FOLH1: variants seen among roughly 807,000 people sequenced by gnomAD.
FOLH1 encodes glutamate carboxypeptidase 2.
In FOLH1, 54 loss-of-function variants were observed where a neutral mutation model predicts 93.9. That is an observed-to-expected ratio of 0.57 (90% CI 0.46 to 0.72). The LOEUF is 0.72. FOLH1 is among the 30% of genes least tolerant of loss of function. The pLI is 0.00. For missense variants in FOLH1, 571 were observed against 892.5 expected, an observed-to-expected ratio of 0.64 and a Z score of 4.59; for synonymous variants, 249 against 303.6, an observed-to-expected ratio of 0.82 and a Z score of 1.87.
intron 13 of FOLH1, among the ~76,000 whole-genome samples, chr11:49,160,932 G>T (rs1857630271): frequency 6.6e-6 from 1 of 152,086 alleles, no homozygotes; most frequent in Non-Finnish European, 1.5e-5. Flanking sequence ...AATTTCCATG[G>T]AATTGCATAG....
At chr11:49,194,016 G>C (rs1440693028) in intron 3 of FOLH1, among the ~76,000 whole-genome samples, 1 of 151,400 alleles carries the variant, frequency 6.6e-6, no homozygotes. Context: ...AAATTAGCCG[G>C]GCCTACGTGC....
chr11:49,171,719 T>A (rs1859326936), intron 10 of FOLH1, among the ~76,000 whole-genome samples: 1 of 152,124 alleles, frequency 6.6e-6, no homozygotes, highest in African/African-American at 2.4e-5. Flanking sequence ...TCCGTATGAT[T>A]TCACACCATT....
intron 7 of FOLH1, 80 bp downstream of exon 7, chr11:49,183,069 T>C (rs376029583): frequency 2.4e-6 from 3 of 1,236,308 alleles, no homozygotes; most frequent in South Asian, 1.5e-5. Context: ...TACTAAAAAA[T>C]GGAGATAAAA....
In FOLH1 at chr11:49,152,105, G is replaced by A. The variant is rs189752893; in HGVS notation, c.1970+1741C>T. ...TATTCTAAGTATCTTCTATTATGTTGTATTTCTAATAATCCATTGTTAGGA... is the reference window on the plus strand; with the variant it reads ...TATTCTAAGTATCTTCTATTATGTTATATTTCTAATAATCCATTGTTAGGA... On this transcript the variant is annotated intron_variant, in intron 17 of 18. Coordinates refer to ENST00000256999, the MANE Select transcript of FOLH1 (RefSeq NM_004476.3). 1.5e-3 allele frequency among the ~76,000 whole-genome samples: 223 copies of A among 151,612 alleles called. 2 individuals are homozygous for A. The highest frequency in any genetic ancestry group is 4.9e-3 in the African/African-American group (203 of 41,322).
At chr11:49,182,568 G>A (rs1016411370) in intron 7 of FOLH1, among the ~76,000 whole-genome samples, 1 of 152,196 alleles carries the variant, frequency 6.6e-6, no homozygotes, top group Non-Finnish European at 1.5e-5. Context: ...AGGAATACAT[G>A]AGTAAGAGAT....
chr11:49,201,663 A>ATC (rs1863270843), intron 2 of FOLH1, among the ~76,000 whole-genome samples: 4 of 152,202 alleles, frequency 2.6e-5, no homozygotes, highest in Non-Finnish European at 5.9e-5. Flanking sequence ...AGAGGCAGCT[A>ATC]AGGAGTCTCT....
chr11:49,175,966 C>T lies in FOLH1; in HGVS notation c.921-9G>A, dbSNP rs1206103698. ...CTGAGCCACCCATTTTTCTATTGGA[C>T]ACAAAAAAACATTATTAGCCACAAA... On this transcript the variant is annotated splice_polypyrimidine_tract_variant and intron_variant, in intron 7 of 18. Coordinates refer to ENST00000256999, the MANE Select transcript of FOLH1 (RefSeq NM_004476.3). 36 of 1,608,036 alleles carry T rather than the reference C, an allele frequency of 2.2e-5. No homozygotes were observed. The highest frequency in any genetic ancestry group is 2.9e-5 in the Non-Finnish European group (34 of 1,178,326).
intron 15 of FOLH1, among the ~76,000 whole-genome samples, chr11:49,155,795 CATATATATATATATATATATAT>C (rs10526900): frequency 6.3e-4 from 33 of 52,118 alleles, no homozygotes; most frequent in Non-Finnish European, 7.3e-4. Flanking sequence ...AAATGAAAAC[CATATATATATATATATATATAT>C]ATATATATAT....
intron 3 of FOLH1, among the ~76,000 whole-genome samples, chr11:49,197,685 AT>A (rs1487806330): frequency 6.6e-6 from 1 of 152,204 alleles, no homozygotes; most frequent in African/African-American, 2.4e-5. Flanking sequence ...GTGAACTGTT[AT>A]TCATAACAAT....
intron 15 of FOLH1, among the ~76,000 whole-genome samples, chr11:49,155,356 T>G (rs1170511996): frequency 6.6e-6 from 1 of 152,016 alleles, no homozygotes; most frequent in African/African-American, 2.4e-5. Context: ...ACCTCCTACC[T>G]CACAGACAGG....
Position 49,208,553 on chromosome 11 carries a change from C to G in FOLH1, c.-144G>C. 1.8e-6 allele frequency: 1 copy of G among 567,852 alleles called. No homozygotes were observed. Among genetic ancestry groups the G allele is most frequent in the East Asian group, 3.0e-5 (1 of 32,796 alleles). The allele number at this position is 567,852 out of a possible 1,614,324, so 35.2% of individuals were successfully genotyped here. A position where few individuals can be genotyped will look rare whatever the true frequency, so the allele number is the denominator to read the frequency against. ...CAGCCCTGCAGGCTGGAATTCGCTCCAGACCTGGGGTCCAGTTTCTCCACC... is the reference window on the plus strand; with the variant it reads ...CAGCCCTGCAGGCTGGAATTCGCTCGAGACCTGGGGTCCAGTTTCTCCACC... On this transcript the variant is annotated 5_prime_UTR_variant, in exon 1 of 19. Transcript: ENST00000256999.
chr11:49,190,481 T>G (rs1050455297), intron 4 of FOLH1, among the ~76,000 whole-genome samples: 37 of 152,228 alleles, frequency 2.4e-4, no homozygotes, highest in African/African-American at 8.9e-4. Context: ...TTTGTTTCCT[T>G]AAGCTTCCAT....
At chr11:49,192,726 C>T (rs763015511) in intron 4 of FOLH1, 67 bp downstream of exon 4, 14 of 1,370,322 alleles carry the variant, frequency 1.0e-5, no homozygotes, top group Middle Eastern at 1.9e-4. Flanking sequence ...CTTTAATTAT[C>T]GGCTGAACAT....
chr11:49,205,964 T>C (rs1382752790), intron 2 of FOLH1, 103 bp downstream of exon 2: 36 of 1,177,662 alleles, frequency 3.1e-5, no homozygotes, highest in Non-Finnish European at 3.9e-5. Flanking sequence ...TAAATAAAAT[T>C]TTAAGAAAAA....
intron 2 of FOLH1, among the ~76,000 whole-genome samples, chr11:49,201,707 G>GA (rs1350422183): frequency 1.3e-5 from 2 of 152,138 alleles, no homozygotes; most frequent in Non-Finnish European, 2.9e-5. Flanking sequence ...AGGGAAAACA[G>GA]AAAAACAGCC....
At chr11:49,204,460 T>G (rs1202234623) in intron 2 of FOLH1, among the ~76,000 whole-genome samples, 5 of 152,100 alleles carry the variant, frequency 3.3e-5, no homozygotes, top group African/African-American at 1.2e-4. Flanking sequence ...CCACTAATAT[T>G]GGGAAAGGAA....
intron 2 of FOLH1, among the ~76,000 whole-genome samples, chr11:49,203,921 C>T (rs766711447): frequency 6.6e-5 from 10 of 152,148 alleles, no homozygotes; most frequent in Non-Finnish European, 1.3e-4. Context: ...GAGAGGCCAG[C>T]TCTTGATGGT....
At chr11:49,152,455 A>C (rs2299650) in intron 17 of FOLH1, among the ~76,000 whole-genome samples, 75,707 of 151,956 alleles carry the variant, frequency 0.5, 21,002 homozygotes, top group Admixed American at 0.62. Flanking sequence ...GCAATGGGCA[A>C]ACCAAGGTTT....
At position 49,175,929 on chromosome 11, in the gene FOLH1, T is replaced by C. The variant is rs1365642814; in HGVS notation, c.949A>G (p.Ser317Gly). ...EKMGGSAPPD[S>G]SWRGSLKVPY... ...ACTTTGAGACTTCCTCTCCAGCTGC[T>C]ATCTGGTGGTGCTGAGCCACCCATT... is the stretch of plus-strand genomic sequence containing the variant. The change falls in exon 8 of 19, where the codon AGC (serine) becomes GGC (glycine). Residue 317 changes from serine to glycine, a missense_variant. Coordinates refer to ENST00000256999, the MANE Select transcript of FOLH1 (RefSeq NM_004476.3). 3.1e-6 allele frequency: 5 copies of C among 1,613,784 alleles called. No individual in the cohort carries two copies. The Admixed American group carries it at 5.0e-5, about 16-fold the overall frequency.
Sources: gnomAD v4.1 joint callset for allele counts (sites outside exome capture counted in the v4.1 genomes callset) on GRCh38, gnomAD v4.1.1 for gene constraint, MANE v1.5 for transcripts, NCBI Gene and HGNC (gene_info 2026-07-23, HGNC 2026-07-21) for gene names.